The following SERPINB7 variants were observed in gnomAD, a reference collection of about 807,000 sequenced individuals.
SERPINB7 encodes serpin B7.
SERPINB7 carries 31 observed loss-of-function variants against 37.4 expected under a neutral mutation model. The observed-to-expected ratio is 0.83, with a 90% CI of 0.62 to 1.12. SERPINB7 has a LOEUF of 1.12. SERPINB7 is among the 50% of genes most tolerant of loss of function. The pLI, the probability that SERPINB7 is intolerant of heterozygous loss-of-function variation, is 0.00. For missense variants in SERPINB7, 521 were observed against 455.3 expected (o/e 1.14, Z -1.31); for synonymous variants, 163 against 166.1 (o/e 0.98, Z 0.14).
At chr18:63,768,937 A>AT (rs1372730464) in intron 1 of SERPINB7, among the ~76,000 whole-genome samples, 1 of 152,178 alleles carries the variant, frequency 6.6e-6, no homozygotes, top group Non-Finnish European at 1.5e-5. Flanking sequence ...TTCTAAAAAA[A>AT]GGACTAGTAT....
At chr18:63,801,363 C>G (rs545015720) in intron 7 of SERPINB7, among the ~76,000 whole-genome samples, 1 of 152,134 alleles carries the variant, frequency 6.6e-6, no homozygotes, top group Admixed American at 6.5e-5. Flanking sequence ...GACTGAGCAT[C>G]TTTAGGCAGG....
intron 4 of SERPINB7, among the ~76,000 whole-genome samples, chr18:63,794,258 G>C (rs2144634304): frequency 6.6e-6 from 1 of 151,540 alleles, no homozygotes; most frequent in African/African-American, 2.4e-5. Context: ...CACTACATCT[G>C]GCCTGAGTTT....
rs1469071890 is a variant in SERPINB7 at position 63,782,408 on chromosome 18, C to T, written c.36C>T (p.Cys12=). ...TTGCTGCAGCAAATGCAGAGTTTTG[C>T]TTCAACCTGTTCAGAGAGATGGATG... is the stretch of plus-strand genomic sequence containing the variant. ...ASLAAANAEF[C]FNLFREMDDN... The change falls in exon 2 of 8, where the codon TGC becomes TGT. Residue 12 remains cysteine, a synonymous_variant. Coordinates refer to ENST00000398019, the MANE Select transcript of SERPINB7 (RefSeq NM_003784.4). 2 of 1,613,738 alleles carry T rather than the reference C, an allele frequency of 1.2e-6. No individual in the cohort carries two copies. The highest frequency in any genetic ancestry group is 2.2e-5 in the East Asian group (1 of 44,870).
At chr18:63,798,330 T>A (rs1178605871) in intron 5 of SERPINB7, among the ~76,000 whole-genome samples, 1 of 152,152 alleles carries the variant, frequency 6.6e-6, no homozygotes, top group East Asian at 1.9e-4. Flanking sequence ...TCTTGTTGTG[T>A]GTCTTAATCT....
At chr18:63,796,123 AT>A (rs1490146244) in intron 4 of SERPINB7, 142 bp from the exon 5 acceptor site, 2 of 535,708 alleles carry the variant, frequency 3.7e-6, no homozygotes, top group African/African-American at 3.8e-5. Flanking sequence ...CCATTTCCAT[AT>A]ATCCCTATAT....
chr18:63,754,880 CTTTTTTTTTTTTT>C (rs71162676), intron 1 of SERPINB7, among the ~76,000 whole-genome samples: 14 of 57,980 alleles, frequency 2.4e-4, no homozygotes, highest in South Asian at 1.9e-3. Context: ...AAACTGAGGT[CTTTTTTTTTTTTT>C]TTTTTTTTTT....
intron 2 of SERPINB7, among the ~76,000 whole-genome samples, chr18:63,786,486 A>G (rs890147858): frequency 2.0e-5 from 3 of 152,180 alleles, no homozygotes; most frequent in South Asian, 2.1e-4. Context: ...AATGCAACTG[A>G]GTTTTACAAA....
rs1568209433 is a variant in SERPINB7, at chr18:63,786,137, A to ATATAATATAAGTATATATATATG, written c.168+3601_168+3602insATATAAGTATATATATATGTATA. Among the ~76,000 whole-genome samples, 12 of 116,692 alleles carry ATATAATATAAGTATATATATATG rather than the reference A, an allele frequency of 1.0e-4. 1 individual carries two copies. Among genetic ancestry groups the ATATAATATAAGTATATATATATG allele is most frequent in the African/African-American group, 1.7e-4 (5 of 29,698 alleles). 76.6% of individuals were successfully genotyped at this position (116,692 alleles called of 152,430 possible). A position where few individuals can be genotyped will look rare whatever the true frequency, so the allele number is the denominator to read the frequency against. The stretch of plus-strand genomic sequence containing the variant: ...TATATGTATATATATACGTATATAC[A>ATATAATATAAGTATATATATATG]TATATACACACACACACACACACAC... On this transcript the variant is annotated intron_variant, in intron 2 of 7. Transcript: ENST00000398019.
In SERPINB7 at chr18:63,761,349, C is replaced by G. The variant is rs149774117; in HGVS notation, c.-19+8229C>G. Among the ~76,000 whole-genome samples the G allele has an allele frequency of 2.7e-3, 416 of 152,312 alleles. 3 individuals are homozygous for G. The highest frequency in any genetic ancestry group is 9.1e-3 in the African/African-American group (380 of 41,570). Reference sequence around the variant, plus strand: ...CCCAATTCCTGTGCCACCATTGTATCTAGGAAGTAACTAACTTGCTTTTGA... The same window carrying G: ...CCCAATTCCTGTGCCACCATTGTATGTAGGAAGTAACTAACTTGCTTTTGA... On this transcript the variant is annotated intron_variant, in intron 1 of 7. Coordinates refer to the SERPINB7 transcript ENST00000336429.
At chr18:63,782,617 A>G in intron 2 of SERPINB7, 77 bp downstream of exon 2, 1 of 1,394,258 alleles carries the variant, frequency 7.2e-7, no homozygotes, top group Non-Finnish European at 9.8e-7. Context: ...AATGGTCCCC[A>G]TGTTAATGGA....
At chr18:63,802,406 CT>C (rs1383149751) in intron 7 of SERPINB7, among the ~76,000 whole-genome samples, 1 of 152,146 alleles carries the variant, frequency 6.6e-6, no homozygotes, top group Non-Finnish European at 1.5e-5. Context: ...CTTCTCTATT[CT>C]CTCATTAAAA....
intron 4 of SERPINB7, among the ~76,000 whole-genome samples, chr18:63,794,274 A>G (rs1247003208): frequency 1.3e-5 from 2 of 151,072 alleles, no homozygotes; most frequent in African/African-American, 4.9e-5. Flanking sequence ...AGTTTCTTGG[A>G]AGTGGTAGAG....
chr18:63,804,968 G>C lies in SERPINB7; in HGVS notation c.*333G>C. 4.1e-6 allele frequency: 1 copy of C among 243,280 alleles called. No individual in the cohort carries two copies. 15.1% of individuals were successfully genotyped at this position (243,280 alleles called of 1,614,324 possible). A position where few individuals can be genotyped will look rare whatever the true frequency, so the allele number is the denominator to read the frequency against. ...AAGGAGAACGTAGAAGTAGCCCTAG[G>C]GATCCTTTTTGAAACTCTACAGTTA... On this transcript the variant is annotated 3_prime_UTR_variant, in exon 8 of 8. Coordinates refer to ENST00000398019, the MANE Select transcript of SERPINB7 (RefSeq NM_003784.4).
chr18:63,790,602 A>G (rs528114163), intron 2 of SERPINB7, among the ~76,000 whole-genome samples: 19 of 152,346 alleles, frequency 1.2e-4, no homozygotes, highest in African/African-American at 4.6e-4. Flanking sequence ...AGAAAGAAAT[A>G]TAAGGGATAA....
intron 1 of SERPINB7, among the ~76,000 whole-genome samples, chr18:63,754,773 A>C (rs890259488): frequency 6.6e-6 from 1 of 151,362 alleles, no homozygotes; most frequent in Admixed American, 6.6e-5. Context: ...CTGTTTTCAC[A>C]CTGTAGTCTG....
chr18:63,778,335 A>G (rs957787552), intron 1 of SERPINB7, among the ~76,000 whole-genome samples: 4 of 152,176 alleles, frequency 2.6e-5, no homozygotes, highest in Non-Finnish European at 5.9e-5. Flanking sequence ...TTCCAAGAGT[A>G]TCTGTATAGC....
intron 1 of SERPINB7, among the ~76,000 whole-genome samples, chr18:63,767,550 T>C (rs1282881538): frequency 6.6e-6 from 1 of 152,134 alleles, no homozygotes; most frequent in Admixed American, 6.6e-5. Flanking sequence ...GGAGTGTTAA[T>C]AGATTATACT....
intron 7 of SERPINB7, 33 bp downstream of exon 7, chr18:63,801,045 A>T (rs1216140907): frequency 1.6e-5 from 26 of 1,606,018 alleles, no homozygotes; most frequent in Non-Finnish European, 2.0e-5. Flanking sequence ...ACTATTGGGA[A>T]ATAAGACTTT....
At chr18:63,766,857 C>T (rs1423091316) in intron 1 of SERPINB7, among the ~76,000 whole-genome samples, 1 of 152,168 alleles carries the variant, frequency 6.6e-6, no homozygotes, top group East Asian at 1.9e-4. Context: ...TAGTCATCTG[C>T]ATTTTGGTAA....
Sources: allele counts gnomAD v4.1 joint callset (sites outside exome capture counted in the v4.1 genomes callset), GRCh38; gene constraint gnomAD v4.1.1; transcripts MANE v1.5; gene names NCBI Gene and HGNC (gene_info 2026-07-23, HGNC 2026-07-21).